Variants in ADGRV1 observed in about 807,000 individuals in gnomAD.
ADGRV1 encodes G-protein coupled receptor 98.
ADGRV1 carries 359 observed loss-of-function variants against 596.2 expected under a neutral mutation model. That is an observed-to-expected ratio of 0.60 (90% CI 0.55 to 0.66). The LOEUF (loss-of-function observed/expected upper bound fraction) is 0.66, where lower values mean the gene tolerates loss of function less well. Ranked by LOEUF, ADGRV1 falls within the 30% of genes least tolerant of loss-of-function variation. The pLI is 0.00. For missense variants in ADGRV1, 7,274 were observed against 7,575.6 expected (o/e 0.96, Z 1.48); for synonymous variants, 2,681 against 2,679.2 (o/e 1.00, Z -0.02).
chr5:90,777,197 G>T (rs1758337789), intron 61 of ADGRV1, among the ~76,000 whole-genome samples: 1 of 152,110 alleles, frequency 6.6e-6, no homozygotes, highest in African/African-American at 2.4e-5. Context: ...GGTGGAAGGG[G>T]TGGAGGGGTG....
chr5:90,855,674 T>TAA, intron 81 of ADGRV1, 67 bp from the exon 82 acceptor site: 1 of 1,117,014 alleles, frequency 9.0e-7, no homozygotes, highest in South Asian at 1.9e-5. Flanking sequence ...TATTTTTCTT[T>TAA]AAAAGCCATC....
intron 84 of ADGRV1, among the ~76,000 whole-genome samples, chr5:90,968,074 A>G (rs2150978212): frequency 6.6e-6 from 1 of 152,320 alleles, no homozygotes; most frequent in South Asian, 2.1e-4. Context: ...AGCTGGACAT[A>G]ACTAACCTGG....
At chr5:90,740,922 G>C (rs1394506917) in intron 50 of ADGRV1, among the ~76,000 whole-genome samples, 2 of 152,174 alleles carry the variant, frequency 1.3e-5, no homozygotes, top group Non-Finnish European at 2.9e-5. Flanking sequence ...AATTGTAGCT[G>C]TTCTTTGTCT....
chr5:90,890,403 G>A (rs1240691660), intron 83 of ADGRV1, among the ~76,000 whole-genome samples: 2 of 152,058 alleles, frequency 1.3e-5, no homozygotes, highest in African/African-American at 4.8e-5. Flanking sequence ...ACAGCACAGC[G>A]GTTAACAACA....
chr5:90,938,212 T>A (rs1014950941), intron 83 of ADGRV1, among the ~76,000 whole-genome samples: 40 of 151,992 alleles, frequency 2.6e-4, no homozygotes, highest in Admixed American at 1.0e-3. Flanking sequence ...AAAAAAAAAA[T>A]TTTTTGGAGT....
intron 83 of ADGRV1, among the ~76,000 whole-genome samples, chr5:90,957,969 G>T (rs1777630315): frequency 6.6e-6 from 1 of 151,786 alleles, no homozygotes; most frequent in African/African-American, 2.4e-5. Context: ...ATGCAAGGAT[G>T]ACTTAAAATT....
Position 90,642,711 on chromosome 5 carries a change from T to A in ADGRV1, c.2316T>A (p.Pro772=). The A allele has an allele frequency of 1.2e-6, 2 of 1,613,590 alleles. No individual in the cohort carries two copies. The highest frequency in any genetic ancestry group is 1.7e-6 in the Non-Finnish European group (2 of 1,179,602). The change falls in exon 12 of 90, where the codon CCT becomes CCA. Residue 772 remains proline, a synonymous_variant. Coordinates refer to ENST00000405460, the MANE Select transcript of ADGRV1 (RefSeq NM_032119.4). ...TAATTATTTTGGAAAATGATGACCC[T>A]GGGGGAGTTTTTGAATTTTCTCCTG... ...RDLIILENDD[P]GGVFEFSPAS...
intron 89 of ADGRV1, among the ~76,000 whole-genome samples, chr5:91,162,275 T>C (rs1182057035): frequency 6.6e-6 from 1 of 152,040 alleles, no homozygotes; most frequent in Non-Finnish European, 1.5e-5. Flanking sequence ...AAGGACATAA[T>C]CCAGTGGGGG....
chr5:90,919,007 A>G (rs1393689615), intron 83 of ADGRV1, among the ~76,000 whole-genome samples: 1 of 152,190 alleles, frequency 6.6e-6, no homozygotes, highest in Non-Finnish European at 1.5e-5. Context: ...CATTTCTCTA[A>G]AAGCTTTGTT....
chr5:90,973,793 A>C (rs1779288401), intron 84 of ADGRV1, among the ~76,000 whole-genome samples: 1 of 152,198 alleles, frequency 6.6e-6, no homozygotes, highest in African/African-American at 2.4e-5. Flanking sequence ...AAGTGGCACA[A>C]GACAGGGATG....
At chr5:91,145,498 C>T (rs1795459670) in intron 87 of ADGRV1, among the ~76,000 whole-genome samples, 2 of 151,762 alleles carry the variant, frequency 1.3e-5, no homozygotes, top group Non-Finnish European at 1.5e-5. Context: ...TAGGTCATAC[C>T]CATGTGAAAA....
rs1244031367 is a variant in ADGRV1, at chr5:90,949,732, A to C, written c.17857-15683A>C. Among the ~76,000 whole-genome samples the C allele has an allele frequency of 2.6e-5, 4 of 152,328 alleles. No individual in the cohort carries two copies. In the East Asian group the frequency reaches 7.7e-4, roughly 29 times the overall value. On this transcript the variant is annotated intron_variant, in intron 83 of 89. Coordinates refer to ENST00000405460, the MANE Select transcript of ADGRV1 (RefSeq NM_032119.4). ...TAGAGTCTAATGCAAGTATTCTGAA[A>C]TGCTTTTGAATGATAAGCCAGAAAG...
intron 1 of ADGRV1, among the ~76,000 whole-genome samples, chr5:90,606,934 G>C (rs146546597): frequency 6.6e-6 from 1 of 152,276 alleles, no homozygotes; most frequent in East Asian, 1.9e-4. Context: ...TCTTGAGAAA[G>C]GGTATGTAGA....
At chr5:90,903,155 T>C (rs1772006305) in intron 83 of ADGRV1, among the ~76,000 whole-genome samples, 1 of 152,078 alleles carries the variant, frequency 6.6e-6, no homozygotes, top group Admixed American at 6.6e-5. Context: ...AACTTAAGAA[T>C]GGAAAAATCC....
Position 90,815,459 on chromosome 5 carries a change from T to C in ADGRV1, c.16079-160T>C, listed in dbSNP as rs151192697. Reference sequence around the variant, plus strand: ...GTTAGACACCTTGATGTTATCACAGTTTAGTTTATTTTTAATAAAGATCTT... The same window carrying C: ...GTTAGACACCTTGATGTTATCACAGCTTAGTTTATTTTTAATAAAGATCTT... On this transcript the variant is annotated intron_variant, in intron 74 of 89. Coordinates refer to ENST00000405460, the MANE Select transcript of ADGRV1 (RefSeq NM_032119.4). 3.4e-3 allele frequency among the ~76,000 whole-genome samples: 523 copies of C among 152,282 alleles called. No individual in the cohort carries two copies. The highest frequency in any genetic ancestry group is 0.012 in the African/African-American group (503 of 41,568).
chr5:91,101,787 A>C (rs893477286), intron 86 of ADGRV1, among the ~76,000 whole-genome samples: 3 of 151,208 alleles, frequency 2.0e-5, no homozygotes, highest in African/African-American at 7.3e-5. Context: ...ACACGTGCGC[A>C]TGCACACACA....
At chr5:90,841,016 T>G in intron 78 of ADGRV1, 31 bp downstream of exon 78, 1 of 1,406,620 alleles carries the variant, frequency 7.1e-7, no homozygotes, top group Non-Finnish European at 9.3e-7. Flanking sequence ...GTAATTTGTT[T>G]AGTGAAATTT....
chr5:91,049,147 A>G (rs1410949321), intron 85 of ADGRV1, among the ~76,000 whole-genome samples: 5 of 152,198 alleles, frequency 3.3e-5, no homozygotes, highest in African/African-American at 7.2e-5. Context: ...AAAAAGTGAT[A>G]TGGTTTAAAG....
At chr5:90,970,111 G>A (rs184774303) in intron 84 of ADGRV1, among the ~76,000 whole-genome samples, 45 of 152,346 alleles carry the variant, frequency 3.0e-4, no homozygotes, top group East Asian at 9.6e-4. Flanking sequence ...CCACGCCCAC[G>A]GAGCCTCACT....
Sources: gnomAD v4.1 joint callset for allele counts (sites outside exome capture counted in the v4.1 genomes callset) on GRCh38, gnomAD v4.1.1 for gene constraint, MANE v1.5 for transcripts, NCBI Gene and HGNC (gene_info 2026-07-23, HGNC 2026-07-21) for gene names.